Variants in TMEM178B observed in about 807,000 individuals in gnomAD.
TMEM178B encodes transmembrane protein 178B.
Under a neutral mutation model 31.0 loss-of-function variants are expected in TMEM178B, and 5 were observed. The observed-to-expected ratio is 0.16, with a 90% confidence interval of 0.08 to 0.34. The LOEUF is 0.34. Ranked by LOEUF, TMEM178B falls within the 10% of genes least tolerant of loss-of-function variation. The pLI is 1.00. For synonymous variants in TMEM178B, 164 were observed against 164.0 expected, an observed-to-expected ratio of 1.00 and a Z score of 0.00; for missense variants, 275 against 400.3, an observed-to-expected ratio of 0.69 and a Z score of 2.67.
chr7:141,247,187 A>C (rs7798836), intron 2 of TMEM178B, among the ~76,000 whole-genome samples: 60,849 of 140,384 alleles, frequency 0.43, 12,455 homozygotes, highest in Non-Finnish European at 0.45. Flanking sequence ...ATATCTCTCT[A>C]TATATAGGTT....
intron 2 of TMEM178B, among the ~76,000 whole-genome samples, chr7:141,411,938 A>G (rs999086255): frequency 9.9e-5 from 15 of 152,144 alleles, no homozygotes; most frequent in Non-Finnish European, 1.6e-4. Flanking sequence ...ATGCGAGGGA[A>G]TGAAGGGTGC....
chr7:141,393,543 C>A lies in TMEM178B; in HGVS notation c.497-44065C>A, dbSNP rs531655011. Among the ~76,000 whole-genome samples the A allele has an allele frequency of 2.0e-5, 3 of 152,306 alleles. No homozygotes were observed. The South Asian group carries it at 6.2e-4, about 32-fold the overall frequency. Reference sequence around the variant, plus strand: ...CAGGGGAAGATTTCTATCTTCTGGACACCATGAGATCAGAGCTCAGTGCTC... The same window carrying A: ...CAGGGGAAGATTTCTATCTTCTGGAAACCATGAGATCAGAGCTCAGTGCTC... On this transcript the variant is annotated intron_variant, in intron 2 of 3. Coordinates refer to ENST00000565468, the MANE Select transcript of TMEM178B (RefSeq NM_001195278.2).
chr7:141,468,229 C>T (rs10267365), intron 3 of TMEM178B, among the ~76,000 whole-genome samples: 6,140 of 152,220 alleles, frequency 0.04, 373 homozygotes, highest in African/African-American at 0.13. Flanking sequence ...CAGCATGCCC[C>T]AAGAACTTCT....
intron 2 of TMEM178B, among the ~76,000 whole-genome samples, chr7:141,269,711 C>G (rs6970653): frequency 3.3e-5 from 5 of 151,946 alleles, no homozygotes; most frequent in Non-Finnish European, 5.9e-5. Flanking sequence ...CCCTAGATAT[C>G]GATGACTTTA....
intron 2 of TMEM178B, among the ~76,000 whole-genome samples, chr7:141,222,623 G>A (rs1797274456): frequency 6.6e-6 from 1 of 152,194 alleles, no homozygotes; most frequent in African/African-American, 2.4e-5. Context: ...GGGAGCTGGG[G>A]GGAATGCCTC....
At chr7:141,283,003 A>G (rs966305865) in intron 2 of TMEM178B, among the ~76,000 whole-genome samples, 1 of 152,160 alleles carries the variant, frequency 6.6e-6, no homozygotes, top group Non-Finnish European at 1.5e-5. Flanking sequence ...AAGTAATTGT[A>G]CCAACCTAAT....
intron 1 of TMEM178B, among the ~76,000 whole-genome samples, chr7:141,211,165 G>A (rs1365919516): frequency 6.6e-6 from 1 of 152,150 alleles, no homozygotes; most frequent in East Asian, 1.9e-4. Flanking sequence ...TGTGCTTAGG[G>A]GGAATGCTGG....
Position 141,202,082 on chromosome 7 carries a change from A to C in TMEM178B, c.383-10509A>C, listed in dbSNP as rs564664996. The stretch of plus-strand genomic sequence containing the variant: ...TCAGTCTTCATATATGAGTGGGGAT[A>C]ATAATGCACCTTTTAGCATTAAACA... On this transcript the variant is annotated intron_variant, in intron 1 of 3. Coordinates refer to ENST00000565468, the MANE Select transcript of TMEM178B (RefSeq NM_001195278.2). 3.9e-5 allele frequency among the ~76,000 whole-genome samples: 6 copies of C among 152,312 alleles called. No individual in the cohort carries two copies. In the South Asian group the frequency reaches 1.2e-3, roughly 32 times the overall value.
chr7:141,325,399 G>T (rs1260378539), intron 2 of TMEM178B, among the ~76,000 whole-genome samples: 1 of 151,956 alleles, frequency 6.6e-6, no homozygotes, highest in African/African-American at 2.4e-5. Flanking sequence ...CTGTGCTTTT[G>T]TCTGTCACCC....
intron 1 of TMEM178B, among the ~76,000 whole-genome samples, chr7:141,108,950 G>A (rs1210083947): frequency 1.3e-5 from 2 of 152,174 alleles, no homozygotes; most frequent in Non-Finnish European, 1.5e-5. Flanking sequence ...GAGGTGAAAG[G>A]CACTTCTTAC....
intron 3 of TMEM178B, among the ~76,000 whole-genome samples, chr7:141,462,943 G>A (rs1802083827): frequency 6.6e-6 from 1 of 152,104 alleles, no homozygotes; most frequent in South Asian, 2.1e-4. Context: ...AGTCATCAAA[G>A]GAAGCATGTG....
intron 1 of TMEM178B, among the ~76,000 whole-genome samples, chr7:141,195,824 G>C (rs1283782609): frequency 2.6e-5 from 4 of 152,196 alleles, no homozygotes; most frequent in Admixed American, 2.0e-4. Context: ...AATCATAGCA[G>C]GAGGCGAAAG....
intron 3 of TMEM178B, among the ~76,000 whole-genome samples, chr7:141,457,659 A>G (rs1801990526): frequency 6.6e-6 from 1 of 152,248 alleles, no homozygotes; most frequent in Non-Finnish European, 1.5e-5. Flanking sequence ...GTAACCATCA[A>G]TGGCAGCTCT....
chr7:141,501,853 TC>T, the TMEM178B span, among the ~76,000 whole-genome samples: 1 of 151,748 alleles, frequency 6.6e-6, no homozygotes, highest in African/African-American at 2.4e-5. Context: ...TCATGCTCTC[TC>T]TCTCTCTCTC....
At chr7:141,309,339 C>T (rs1006571952) in intron 2 of TMEM178B, among the ~76,000 whole-genome samples, 2 of 152,054 alleles carry the variant, frequency 1.3e-5, no homozygotes, top group Admixed American at 6.5e-5. Context: ...TGTGAATTTT[C>T]CATTCTCACT....
At chr7:141,270,172 A>T (rs992236213) in intron 2 of TMEM178B, among the ~76,000 whole-genome samples, 1 of 152,218 alleles carries the variant, frequency 6.6e-6, no homozygotes, top group African/African-American at 2.4e-5. Context: ...AAGACCTTTG[A>T]GGGAGCACCC....
intron 2 of TMEM178B, among the ~76,000 whole-genome samples, chr7:141,253,544 C>CCTTT (rs1797869282): frequency 4.3e-5 from 3 of 70,030 alleles, no homozygotes; most frequent in African/African-American, 1.1e-4. Flanking sequence ...ATTTTCCCTT[C>CCTTT]TTTTTTTTTT....
intron 1 of TMEM178B, among the ~76,000 whole-genome samples, chr7:141,184,546 T>C (rs1796577897): frequency 6.6e-6 from 1 of 152,210 alleles, no homozygotes; most frequent in South Asian, 2.1e-4. Context: ...ATGTCTTATA[T>C]GTGGGAGCCT....
intron 2 of TMEM178B, among the ~76,000 whole-genome samples, chr7:141,409,920 T>C (rs768187135): frequency 6.6e-6 from 1 of 152,186 alleles, no homozygotes; most frequent in Non-Finnish European, 1.5e-5. Context: ...TCCTTGGGTT[T>C]TGAGTTGCAG....
Sources: gnomAD v4.1 joint callset for allele counts (sites outside exome capture counted in the v4.1 genomes callset) on GRCh38, gnomAD v4.1.1 for gene constraint, MANE v1.5 for transcripts, NCBI Gene and HGNC (gene_info 2026-07-23, HGNC 2026-07-21) for gene names.